The following MAGI1 variants were observed in gnomAD, a reference collection of about 807,000 sequenced individuals.
The protein encoded by MAGI1 is membrane-associated guanylate kinase, WW and PDZ domain-containing protein 1.
In MAGI1, 58 loss-of-function variants were observed where a neutral mutation model predicts 139.9. That is an observed-to-expected ratio of 0.41 (90% CI 0.34 to 0.52). MAGI1 has a LOEUF of 0.52. Ranked by LOEUF, MAGI1 falls within the 20% of genes least tolerant of loss-of-function variation. MAGI1 has a pLI of 0.12. For synonymous variants in MAGI1, 812 were observed against 737.9 expected (o/e 1.10, Z -1.63); for missense variants, 1,874 against 1,901.6 (o/e 0.99, Z 0.27).
chr3:65,484,897 T>A (rs1300254449), intron 3 of MAGI1, among the ~76,000 whole-genome samples: 33 of 152,208 alleles, frequency 2.2e-4, no homozygotes. Flanking sequence ...GCAGACTGTT[T>A]AATTAATCAG....
chr3:65,903,777 G>A (rs574059821), intron 1 of MAGI1, among the ~76,000 whole-genome samples: 2 of 152,288 alleles, frequency 1.3e-5, no homozygotes, highest in East Asian at 3.9e-4. Flanking sequence ...GGAGGCCGAG[G>A]TGGGAGGATC....
intron 3 of MAGI1, among the ~76,000 whole-genome samples, chr3:65,492,318 C>T (rs1179853079): frequency 1.3e-5 from 2 of 152,198 alleles, no homozygotes; most frequent in African/African-American, 4.8e-5. Context: ...TTGGCTTTGA[C>T]CCAGCAATGG....
At chr3:65,861,369 G>C (rs983597582) in intron 1 of MAGI1, among the ~76,000 whole-genome samples, 1 of 152,206 alleles carries the variant, frequency 6.6e-6, no homozygotes, top group African/African-American at 2.4e-5. Context: ...AGCCAGGCCA[G>C]TGTCACTCTT....
At chr3:65,559,220 T>C (rs1576317923) in intron 2 of MAGI1, among the ~76,000 whole-genome samples, 1 of 152,226 alleles carries the variant, frequency 6.6e-6, no homozygotes, top group East Asian at 1.9e-4. Context: ...TGTTATTTTC[T>C]CATGTCAGTT....
chr3:65,634,250 G>A (rs1447078689), intron 1 of MAGI1, among the ~76,000 whole-genome samples: 2 of 152,136 alleles, frequency 1.3e-5, no homozygotes, highest in African/African-American at 2.4e-5. Flanking sequence ...TGATAATAAA[G>A]ACAAACCAGG....
At chr3:65,956,816 G>A (rs1418274402) in intron 1 of MAGI1, among the ~76,000 whole-genome samples, 1 of 151,956 alleles carries the variant, frequency 6.6e-6, no homozygotes, top group Non-Finnish European at 1.5e-5. Context: ...TGGCCAACAT[G>A]ATGAGACCCC....
At chr3:65,455,328 G>C (rs1386968306) in intron 5 of MAGI1, among the ~76,000 whole-genome samples, 1 of 152,040 alleles carries the variant, frequency 6.6e-6, no homozygotes, top group Non-Finnish European at 1.5e-5. Flanking sequence ...GTCACAACTG[G>C]TTACCTTCCA....
chr3:65,897,748 A>T (rs907935253), intron 1 of MAGI1, among the ~76,000 whole-genome samples: 3 of 152,120 alleles, frequency 2.0e-5, no homozygotes, highest in Non-Finnish European at 4.4e-5. Context: ...CTGCAGTCCC[A>T]GCTACTAGGG....
At chr3:65,947,720 G>A (rs192831880) in intron 1 of MAGI1, among the ~76,000 whole-genome samples, 1 of 151,944 alleles carries the variant, frequency 6.6e-6, no homozygotes, top group African/African-American at 2.4e-5. Context: ...AGGCTCAAGC[G>A]AGCCTCCCAC....
At chr3:65,772,535 G>C (rs1433079910) in intron 1 of MAGI1, among the ~76,000 whole-genome samples, 1 of 152,196 alleles carries the variant, frequency 6.6e-6, no homozygotes, top group African/African-American at 2.4e-5. Flanking sequence ...CTACAAGGGA[G>C]GGACACCTCT....
At chr3:65,893,899 G>C (rs1180651472) in intron 1 of MAGI1, 1 of 152,150 alleles carries the variant, frequency 6.6e-6, no homozygotes, top group Admixed American at 6.5e-5. Context: ...CCCAGGGCTA[G>C]AATCATCTGA....
At chr3:65,376,248 T>G (rs779383058) in intron 17 of MAGI1, among the ~76,000 whole-genome samples, 2 of 152,188 alleles carry the variant, frequency 1.3e-5, no homozygotes, top group Non-Finnish European at 2.9e-5. Flanking sequence ...GTTGGCAACT[T>G]CAAAGATTTT....
chr3:65,879,858 A>G (rs1302793189), intron 1 of MAGI1, among the ~76,000 whole-genome samples: 1 of 152,190 alleles, frequency 6.6e-6, no homozygotes, highest in East Asian at 1.9e-4. Flanking sequence ...GGTCTGTCTG[A>G]TGAACTCTGA....
chr3:65,447,912 G>T (rs1948773123), intron 7 of MAGI1, 110 bp downstream of exon 7: 1 of 1,190,180 alleles, frequency 8.4e-7, no homozygotes, highest in Non-Finnish European at 1.3e-6. Context: ...AATCATAATT[G>T]GAGGAGTGCA....
At chr3:65,451,368 G>A (rs1233596262) in intron 6 of MAGI1, among the ~76,000 whole-genome samples, 1 of 152,096 alleles carries the variant, frequency 6.6e-6, no homozygotes, top group African/African-American at 2.4e-5. Context: ...ATCAAATAAT[G>A]ATTATTGTTC....
chr3:65,519,026 G>T (rs1476201568), intron 2 of MAGI1, among the ~76,000 whole-genome samples: 1 of 152,060 alleles, frequency 6.6e-6, no homozygotes, highest in Non-Finnish European at 1.5e-5. Context: ...AGGAGCCATG[G>T]GCCAGGCCTG....
chr3:65,557,175 G>A (rs2080125848), intron 2 of MAGI1, among the ~76,000 whole-genome samples: 2 of 152,216 alleles, frequency 1.3e-5, no homozygotes, highest in African/African-American at 4.8e-5. Context: ...TGGTCTGGAT[G>A]ACTAATAGAA....
At chr3:65,904,734 T>G (rs2061370361) in intron 1 of MAGI1, among the ~76,000 whole-genome samples, 1 of 151,802 alleles carries the variant, frequency 6.6e-6, no homozygotes, top group Admixed American at 6.6e-5. Flanking sequence ...TAGTGAAGAG[T>G]TTAATTGTTT....
chr3:65,441,802 A>G (rs1304184343), intron 8 of MAGI1, among the ~76,000 whole-genome samples: 2 of 152,186 alleles, frequency 1.3e-5, no homozygotes, highest in Non-Finnish European at 2.9e-5. Context: ...AGTACTGGCC[A>G]AGGACACTTG....
Sources: allele counts gnomAD v4.1 joint callset (sites outside exome capture counted in the v4.1 genomes callset), GRCh38; gene constraint gnomAD v4.1.1; transcripts MANE v1.5; gene names NCBI Gene and HGNC (gene_info 2026-07-23, HGNC 2026-07-21).